The following PDE4B variants were observed in gnomAD, a reference collection of about 807,000 sequenced individuals.
PDE4B encodes the protein phosphodiesterase 4B.
Under a neutral mutation model 82.2 loss-of-function variants are expected in PDE4B, and 20 were observed. The ratio of observed to expected loss-of-function variants is 0.24; its 90% CI spans 0.17 to 0.35. The LOEUF is 0.35. Among genes scored for constraint, PDE4B ranks in the 10% least tolerant of loss-of-function variants. The pLI is 1.00. For synonymous variants in PDE4B, 320 were observed against 318.9 expected (o/e 1.00, Z -0.04); for missense variants, 655 against 907.2 (o/e 0.72, Z 3.57).
intron 3 of PDE4B, among the ~76,000 whole-genome samples, chr1:66,234,289 A>C (rs1019842657): frequency 6.6e-6 from 1 of 152,036 alleles, no homozygotes; most frequent in Non-Finnish European, 1.5e-5. Context: ...TACTGGCATA[A>C]TTATTATTAT....
At chr1:65,846,879 A>C (rs1291910118) in intron 1 of PDE4B, among the ~76,000 whole-genome samples, 1 of 152,196 alleles carries the variant, frequency 6.6e-6, no homozygotes, top group East Asian at 1.9e-4. Context: ...ATACCAATCC[A>C]TGATAACCTT....
rs534007653 is a variant in PDE4B at position 65,935,589 on chromosome 1, G to A, written c.281+16754G>A. Among the ~76,000 whole-genome samples, 11 of 152,050 alleles carry A rather than the reference G, an allele frequency of 7.2e-5. No homozygotes were observed. The South Asian group carries it at 1.5e-3, about 20-fold the overall frequency. On this transcript the variant is annotated intron_variant, in intron 3 of 16. Transcript: ENST00000341517. ...TAATCTGAGCTTACTGTAACATTTCGTTTTATAAAATTCTTAATTAAAAAA... is the reference window on the plus strand; with the variant it reads ...TAATCTGAGCTTACTGTAACATTTCATTTTATAAAATTCTTAATTAAAAAA...
At chr1:65,945,935 G>T (rs1175588751) in intron 3 of PDE4B, among the ~76,000 whole-genome samples, 2 of 151,980 alleles carry the variant, frequency 1.3e-5, no homozygotes, top group East Asian at 3.9e-4. Flanking sequence ...GCTGTAACCA[G>T]TCAGCTAGGT....
intron 3 of PDE4B, among the ~76,000 whole-genome samples, chr1:66,036,912 A>G (rs1654096530): frequency 6.6e-6 from 1 of 152,120 alleles, no homozygotes; most frequent in African/African-American, 2.4e-5. Context: ...ACACAGGCAG[A>G]TCATGAAGTC....
chr1:66,335,752 G>T (rs575585998), intron 8 of PDE4B, among the ~76,000 whole-genome samples: 6 of 152,296 alleles, frequency 3.9e-5, no homozygotes, highest in African/African-American at 1.4e-4. Flanking sequence ...CAAGGCAATG[G>T]TATTGTTATT....
intron 7 of PDE4B, among the ~76,000 whole-genome samples, chr1:66,291,978 C>T (rs549184715): frequency 6.6e-6 from 1 of 152,106 alleles, no homozygotes; most frequent in African/African-American, 2.4e-5. Flanking sequence ...TGCATGGAGC[C>T]ATTCACGCAT....
chr1:66,351,814 G>A (rs148510291), intron 8 of PDE4B, among the ~76,000 whole-genome samples: 1 of 152,324 alleles, frequency 6.6e-6, no homozygotes, highest in African/African-American at 2.4e-5. Context: ...GGAGTCAGAT[G>A]CTGAAAGCCC....
intron 3 of PDE4B, among the ~76,000 whole-genome samples, chr1:65,921,864 G>T (rs944758770): frequency 6.6e-6 from 1 of 152,140 alleles, no homozygotes; most frequent in Non-Finnish European, 1.5e-5. Context: ...TGACTTTGAG[G>T]TCATGGCTGA....
At chr1:65,869,627 ACT>A (rs141477692) in intron 1 of PDE4B, among the ~76,000 whole-genome samples, 4,254 of 152,098 alleles carry the variant, frequency 0.028, 88 homozygotes, top group African/African-American at 0.052. Flanking sequence ...TTAGAATTCC[ACT>A]CTGTTTTTCT....
intron 1 of PDE4B, among the ~76,000 whole-genome samples, chr1:65,829,166 A>G (rs1646052629): frequency 6.6e-6 from 1 of 152,224 alleles, no homozygotes; most frequent in Non-Finnish European, 1.5e-5. Flanking sequence ...ATGGATAACT[A>G]TATTAACTTT....
chr1:66,290,637 G>C (rs1366804048), intron 7 of PDE4B, among the ~76,000 whole-genome samples: 1 of 152,180 alleles, frequency 6.6e-6, no homozygotes, highest in Non-Finnish European at 1.5e-5. Flanking sequence ...TCAGCAATCA[G>C]ACTTCAGTGG....
chr1:65,877,594 G>A (rs1218189580), intron 1 of PDE4B, among the ~76,000 whole-genome samples: 4 of 151,536 alleles, frequency 2.6e-5, no homozygotes, highest in South Asian at 2.1e-4. Flanking sequence ...CAGCCTGGGC[G>A]ATAGAGCAAG....
chr1:66,118,507 T>G, intron 3 of PDE4B, among the ~76,000 whole-genome samples: 1 of 147,918 alleles, frequency 6.8e-6, no homozygotes. Context: ...CACTCATAGG[T>G]GGGAATTGAA....
intron 1 of PDE4B, among the ~76,000 whole-genome samples, chr1:65,868,031 G>A (rs1646531671): frequency 6.6e-6 from 1 of 152,164 alleles, no homozygotes; most frequent in Admixed American, 6.5e-5. Context: ...AGCTCAAGAG[G>A]TAAATATGTA....
chr1:65,850,510 C>T (rs1646319535), intron 1 of PDE4B, among the ~76,000 whole-genome samples: 1 of 152,050 alleles, frequency 6.6e-6, no homozygotes, highest in Non-Finnish European at 1.5e-5. Context: ...AATTCACAGT[C>T]CTCTGATGGT....
rs541280145 is a variant in PDE4B at position 66,366,068 on chromosome 1, G to A, written c.1384+302G>A. ...AATTATTCATAAAGAACAATAAAAG[G>A]TTTGGGGATCCCATGATAATGACTT... On this transcript the variant is annotated intron_variant, in intron 13 of 16. Transcript: ENST00000341517. 8.5e-5 allele frequency among the ~76,000 whole-genome samples: 13 copies of A among 152,194 alleles called. No homozygotes were observed. In the East Asian group the frequency reaches 1.2e-3, roughly 14 times the overall value.
intron 3 of PDE4B, among the ~76,000 whole-genome samples, chr1:66,117,308 C>T (rs910181883): frequency 2.6e-5 from 4 of 151,948 alleles, no homozygotes; most frequent in Non-Finnish European, 4.4e-5. Context: ...AATTCATGGG[C>T]CAAGATACTT....
intron 3 of PDE4B, among the ~76,000 whole-genome samples, chr1:66,054,894 A>C (rs1655219266): frequency 6.6e-6 from 1 of 152,150 alleles, no homozygotes; most frequent in Non-Finnish European, 1.5e-5. Context: ...CTTCAGTTTC[A>C]TGACATCTTC....
intron 7 of PDE4B, among the ~76,000 whole-genome samples, chr1:66,289,016 C>T (rs1656880054): frequency 6.6e-6 from 1 of 152,124 alleles, no homozygotes. Context: ...TATGTAGATT[C>T]TACTATGTGC....
Sources: allele counts gnomAD v4.1 joint callset (sites outside exome capture counted in the v4.1 genomes callset), GRCh38; gene constraint gnomAD v4.1.1; transcripts MANE v1.5; gene names NCBI Gene and HGNC (gene_info 2026-07-23, HGNC 2026-07-21).